Variants in ABLIM1 observed in about 807,000 individuals in gnomAD.
ABLIM1 encodes the protein actin-binding LIM protein 1.
Under a neutral mutation model 107.0 loss-of-function variants are expected in ABLIM1, and 40 were observed. The ratio of observed to expected loss-of-function variants is 0.37; its 90% CI spans 0.29 to 0.49. The LOEUF (loss-of-function observed/expected upper bound fraction) is 0.49, where lower values mean the gene tolerates loss of function less well. Among genes scored for constraint, ABLIM1 ranks in the 20% least tolerant of loss-of-function variants. The pLI, the probability that ABLIM1 is intolerant of heterozygous loss-of-function variation, is 0.97. For synonymous variants in ABLIM1, 357 were observed against 357.3 expected (o/e 1.00, Z 0.01); for missense variants, 857 against 1,008.5 (o/e 0.85, Z 2.04).
chr10:114,611,567 C>T (rs192275406), intron 1 of ABLIM1, among the ~76,000 whole-genome samples: 4 of 152,200 alleles, frequency 2.6e-5, no homozygotes, highest in South Asian at 2.1e-4. Context: ...ACATAAAAGA[C>T]GCTGTCAGCA....
At chr10:114,557,633 C>A (rs2483542) in intron 4 of ABLIM1, among the ~76,000 whole-genome samples, 54,866 of 144,376 alleles carry the variant, frequency 0.38, 13,503 homozygotes, top group African/African-American at 0.7. Flanking sequence ...TAGGAGTGTT[C>A]TGGACTTGAA....
intron 1 of ABLIM1, among the ~76,000 whole-genome samples, chr10:114,749,014 C>T (rs1161398653): frequency 6.6e-6 from 1 of 152,130 alleles, no homozygotes; most frequent in Non-Finnish European, 1.5e-5. Context: ...TGCACGTAAT[C>T]TCTGTCCCAG....
At chr10:114,628,541 C>T (rs2077965843) in intron 1 of ABLIM1, among the ~76,000 whole-genome samples, 1 of 152,230 alleles carries the variant, frequency 6.6e-6, no homozygotes. Context: ...CACTTAGACA[C>T]TGGAATGAGT....
intron 1 of ABLIM1, among the ~76,000 whole-genome samples, chr10:114,644,280 CAAAAAA>C (rs1170954656): frequency 7.0e-4 from 13 of 18,630 alleles, no homozygotes; most frequent in African/African-American, 2.0e-3. Flanking sequence ...GACTCCATCT[CAAAAAA>C]AAAAAAAAAA....
At chr10:114,552,283 G>C (rs192105989) in intron 4 of ABLIM1, among the ~76,000 whole-genome samples, 21 of 152,270 alleles carry the variant, frequency 1.4e-4, no homozygotes, top group Middle Eastern at 3.4e-3. Context: ...AGAACAAAAT[G>C]TCCTACTCTG....
intron 6 of ABLIM1, among the ~76,000 whole-genome samples, chr10:114,501,177 C>T (rs1565646487): frequency 6.6e-6 from 1 of 152,212 alleles, no homozygotes. Flanking sequence ...CTGACTCTCC[C>T]AGCCACAATG....
chr10:114,792,063 G>C, the ABLIM1 span, among the ~76,000 whole-genome samples: 1 of 152,224 alleles, frequency 6.6e-6, no homozygotes, highest in Admixed American at 6.5e-5. Context: ...GCTCACACCT[G>C]TAATCCCAAC....
intron 1 of ABLIM1, among the ~76,000 whole-genome samples, chr10:114,625,582 C>A (rs557429941): frequency 6.6e-6 from 1 of 151,960 alleles, no homozygotes; most frequent in Non-Finnish European, 1.5e-5. Context: ...AGAAGGGATG[C>A]GCCTTCAAGG....
intron 6 of ABLIM1, among the ~76,000 whole-genome samples, chr10:114,516,856 G>A (rs930304776): frequency 6.6e-6 from 1 of 152,184 alleles, no homozygotes; most frequent in African/African-American, 2.4e-5. Context: ...TAGACTATCA[G>A]ATATGCAAAC....
intron 1 of ABLIM1, among the ~76,000 whole-genome samples, chr10:114,729,382 C>A (rs1017236776): frequency 1.3e-5 from 2 of 152,094 alleles, no homozygotes; most frequent in African/African-American, 4.8e-5. Flanking sequence ...GAAATGAGGA[C>A]TCTATTTTAA....
At chr10:114,437,298 T>G (rs1473340064) in intron 22 of ABLIM1, among the ~76,000 whole-genome samples, 1 of 151,692 alleles carries the variant, frequency 6.6e-6, no homozygotes, top group African/African-American at 2.4e-5. Flanking sequence ...CCTGGGTCAT[T>G]CTTTTTTTCT....
intron 6 of ABLIM1, among the ~76,000 whole-genome samples, chr10:114,517,633 A>G (rs2063079020): frequency 6.6e-6 from 1 of 152,156 alleles, no homozygotes; most frequent in Non-Finnish European, 1.5e-5. Context: ...CCACAGTACA[A>G]TGTGGGTCTG....
the ABLIM1 span, among the ~76,000 whole-genome samples, chr10:114,798,544 C>G: frequency 7.5e-6 from 1 of 134,192 alleles, no homozygotes; most frequent in Non-Finnish European, 1.6e-5. Context: ...CCAGCCTGGG[C>G]AAGATGATGA....
chr10:114,548,789 T>C (rs1472950070), intron 4 of ABLIM1, among the ~76,000 whole-genome samples: 1 of 152,206 alleles, frequency 6.6e-6, no homozygotes, highest in East Asian at 1.9e-4. Context: ...ACGTGTCAAG[T>C]TGGCCACGTG....
chr10:114,721,244 C>G (rs1268576454), intron 1 of ABLIM1, among the ~76,000 whole-genome samples: 2 of 152,186 alleles, frequency 1.3e-5, no homozygotes, highest in South Asian at 2.1e-4. Flanking sequence ...AGCAGTAACT[C>G]CCTGACAGGT....
intron 1 of ABLIM1, among the ~76,000 whole-genome samples, chr10:114,756,824 G>C (rs2082640570): frequency 1.3e-5 from 2 of 152,104 alleles, no homozygotes; most frequent in South Asian, 4.1e-4. Context: ...ATCCAATCAG[G>C]ATGCACTGGT....
chr10:114,736,890 C>T (rs1193335621), intron 1 of ABLIM1, among the ~76,000 whole-genome samples: 1 of 152,074 alleles, frequency 6.6e-6, no homozygotes. Flanking sequence ...AGGCTATGAT[C>T]AGAATTTGGG....
At chr10:114,464,344 C>T (rs2064673160) in intron 12 of ABLIM1, among the ~76,000 whole-genome samples, 1 of 152,066 alleles carries the variant, frequency 6.6e-6, no homozygotes, top group Non-Finnish European at 1.5e-5. Context: ...TGCCACCATG[C>T]CCAGCTAATT....
At position 114,433,232 on chromosome 10, in the gene ABLIM1, T is replaced by C. The variant is rs1323360969; in HGVS notation, c.*3028A>G. The C allele has an allele frequency of 1.3e-5, 2 of 152,082 alleles. No individual in the cohort carries two copies. The highest frequency in any genetic ancestry group is 2.9e-5 in the Non-Finnish European group (2 of 68,032). The allele number at this position is 152,082 out of a possible 1,614,324, so 9.4% of individuals were successfully genotyped here. A position where few individuals can be genotyped will look rare whatever the true frequency, so the allele number is the denominator to read the frequency against. On this transcript the variant is annotated 3_prime_UTR_variant, in exon 23 of 23. Transcript: ENST00000533213. The stretch of plus-strand genomic sequence containing the variant: ...TGGAATTTTCATGTATAGTACAGGG[T>C]AGGGTAAAAGCAGACCAATAGCCAT...
Sources: allele counts gnomAD v4.1 joint callset (sites outside exome capture counted in the v4.1 genomes callset), GRCh38; gene constraint gnomAD v4.1.1; transcripts MANE v1.5; gene names NCBI Gene and HGNC (gene_info 2026-07-23, HGNC 2026-07-21).